Variants in CELF3 observed in about 807,000 individuals in gnomAD.
CELF3 encodes the protein CUGBP Elav-like family member 3, also known as CAG repeat domain.
In CELF3, 26 loss-of-function variants were observed where a neutral mutation model predicts 59.6. The ratio of observed to expected loss-of-function variants is 0.44; its 90% confidence interval spans 0.32 to 0.61. The LOEUF is 0.61. CELF3 is among the 20% of genes least tolerant of loss of function. The probability of loss-of-function intolerance (pLI) is 0.06; values close to 1 mark genes in which losing one functional copy is unlikely to be tolerated. For synonymous variants in CELF3, 245 were observed against 250.7 expected (o/e 0.98, Z 0.22); for missense variants, 387 against 627.2 (o/e 0.62, Z 4.09).
At chr1:151,710,401 G>C in intron 2 of CELF3, 1 of 293,162 alleles carries the variant, frequency 3.4e-6, no homozygotes, top group Non-Finnish European at 6.8e-6. Context: ...TGATTTATCC[G>C]TCCCCGTCGC....
rs189071128 is a variant in CELF3, at chr1:151,700,286, C to T, written c.*3173G>A. On this transcript the variant is annotated 3_prime_UTR_variant, in exon 13 of 13. Transcript: ENST00000290583. ...AGGAGAAAGACCTGTGGATGAGGGC[C>T]GTTAAGATTTTCATGAAGAAAGTAG... 3.0e-4 allele frequency among the ~76,000 whole-genome samples: 46 copies of T among 152,172 alleles called. No homozygotes were observed. The highest frequency in any genetic ancestry group is 3.7e-4 in the Non-Finnish European group (25 of 68,018).
Position 151,705,748 on chromosome 1 carries a change from TA to T in CELF3, c.1270+73del. On this transcript the variant is annotated intron_variant, in intron 11 of 12. Coordinates refer to ENST00000290583, the MANE Select transcript of CELF3 (RefSeq NM_007185.7). The surrounding 1 kb of genome is among the most constrained non-coding windows in gnomAD (Gnocchi z 5.1). ...TCAAATACTGGGTCCACTGTGACCA[TA>T]AATGCCTTCAAATATATTAGACCTT... 1 of 1,516,734 alleles carries T rather than the reference TA, an allele frequency of 6.6e-7. No individual in the cohort carries two copies. Among genetic ancestry groups the T allele is most frequent in the Non-Finnish European group, 9.0e-7 (1 of 1,107,432 alleles). The allele number at this position is 1,516,734 out of a possible 1,614,324, so 94.0% of individuals were successfully genotyped here. A position where few individuals can be genotyped will look rare whatever the true frequency, so the allele number is the denominator to read the frequency against.
In CELF3 at chr1:151,716,088, G is replaced by A; in HGVS notation, c.-68C>T. The A allele has an allele frequency of 6.7e-7, 1 of 1,497,432 alleles. No homozygotes were observed. Among genetic ancestry groups the A allele is most frequent in the Non-Finnish European group, 8.9e-7 (1 of 1,118,622 alleles). 92.8% of individuals were successfully genotyped at this position (1,497,432 alleles called of 1,614,324 possible). On this transcript the variant is annotated 5_prime_UTR_variant, in exon 1 of 13. Transcript: ENST00000290583. Reference sequence around the variant, plus strand: ...CCCAAAGGCCAAGGGGAGCTGCCCAGCAAGGAGATAAGTGGTGGGGCCCGG... The same window carrying A: ...CCCAAAGGCCAAGGGGAGCTGCCCAACAAGGAGATAAGTGGTGGGGCCCGG...
intron 12 of CELF3, among the ~76,000 whole-genome samples, chr1:151,704,017 C>T (rs935520846): frequency 3.3e-5 from 5 of 152,256 alleles, no homozygotes; most frequent in South Asian, 4.1e-4. Context: ...AAGCACGTCC[C>T]GCGAGCTGCC....
intron 5 of CELF3, chr1:151,708,531 G>C (rs139925012): frequency 1.6e-5 from 3 of 192,624 alleles, no homozygotes; most frequent in African/African-American, 2.3e-5. Flanking sequence ...CTTTGCTGGA[G>C]AGCTGTGAGT....
rs2102761490 is a variant in CELF3, at chr1:151,700,697, GA to G, written c.*2761del. ...GTAGGCAGTGATAATTGAAAAGAGG[GA>G]AATGATATGAGAAAGTTTGTGGAAG... On this transcript the variant is annotated 3_prime_UTR_variant, in exon 13 of 13. Coordinates refer to ENST00000290583, the MANE Select transcript of CELF3 (RefSeq NM_007185.7). Among the ~76,000 whole-genome samples the G allele has an allele frequency of 6.6e-6, 1 of 152,304 alleles. No homozygotes were observed. The highest frequency in any genetic ancestry group is 2.1e-4 in the South Asian group (1 of 4,832).
At chr1:151,713,100 A>T (rs1265307465) in intron 2 of CELF3, among the ~76,000 whole-genome samples, 1 of 152,212 alleles carries the variant, frequency 6.6e-6, no homozygotes, top group Admixed American at 6.5e-5. Flanking sequence ...TGGAACCCTC[A>T]TTTCCTACTG....
At chr1:151,704,617 C>T (rs1159840822) in intron 12 of CELF3, among the ~76,000 whole-genome samples, 1 of 152,094 alleles carries the variant, frequency 6.6e-6, no homozygotes, top group African/African-American at 2.4e-5. Context: ...ATTCTAGGGC[C>T]CTCTGGCACC....
At chr1:151,708,153 G>C (rs1672731845) in intron 5 of CELF3, 3 of 518,304 alleles carry the variant, frequency 5.8e-6, no homozygotes, top group Non-Finnish European at 1.0e-5. Flanking sequence ...GGAATGTGAA[G>C]GCACATGCTT....
rs1324391665 is a variant in CELF3, at chr1:151,703,292, CA to C, written c.*166del. The C allele has an allele frequency of 1.3e-5, 6 of 455,980 alleles. No homozygotes were observed. Among genetic ancestry groups the C allele is most frequent in the Non-Finnish European group, 1.8e-5 (4 of 226,726 alleles). The allele number at this position is 455,980 out of a possible 1,614,324, so 28.2% of individuals were successfully genotyped here. A position where few individuals can be genotyped will look rare whatever the true frequency, so the allele number is the denominator to read the frequency against. On this transcript the variant is annotated 3_prime_UTR_variant, in exon 13 of 13. Coordinates refer to ENST00000290583, the MANE Select transcript of CELF3 (RefSeq NM_007185.7). ...GCATAGCCATGGCCCTTCAGAGAGG[CA>C]GGGGGGTGGGAGGGGCCGGTGTCTT...
At chr1:151,708,365 T>C (rs1345460536) in intron 5 of CELF3, 1 of 186,520 alleles carries the variant, frequency 5.4e-6, no homozygotes, top group Non-Finnish European at 1.1e-5. Flanking sequence ...ATCTTAATAC[T>C]AGTCTGAGCT....
intron 12 of CELF3, among the ~76,000 whole-genome samples, chr1:151,703,909 C>T (rs955004052): frequency 7.2e-5 from 11 of 152,118 alleles, no homozygotes; most frequent in East Asian, 1.9e-4. Context: ...AGACCACCCC[C>T]GGCCCCCAGT....
In CELF3 at chr1:151,705,183, G is replaced by T; in HGVS notation, c.1271-15C>A. The T allele has an allele frequency of 6.2e-7, 1 of 1,608,164 alleles. No individual in the cohort carries two copies. The highest frequency in any genetic ancestry group is 8.5e-7 in the Non-Finnish European group (1 of 1,175,882). On this transcript the variant is annotated splice_polypyrimidine_tract_variant and intron_variant, in intron 11 of 12. Transcript: ENST00000290583. The surrounding 1 kb of genome is among the most constrained non-coding windows in gnomAD (Gnocchi z 5.1). The stretch of plus-strand genomic sequence containing the variant: ...ACTCACAAAGCCTGGGGTGAGAGGG[G>T]CATAAGGCCCGGCCCAGCCCCACCT...
chr1:151,706,566 G>A, intron 9 of CELF3, 103 bp downstream of exon 9: 2 of 1,322,782 alleles, frequency 1.5e-6, no homozygotes, highest in Non-Finnish European at 1.1e-6. Context: ...AGCCTGAAGA[G>A]GGTGATTGGC....
At position 151,701,872 on chromosome 1, in the gene CELF3, A is replaced by G. The variant is rs778307681; in HGVS notation, c.*1587T>C. On this transcript the variant is annotated 3_prime_UTR_variant, in exon 13 of 13. Transcript: ENST00000290583. ...CAGGAGTTCAAGGTTGCAGTGAGCT[A>G]TGATCTCACCATCACACTCCAGCTT... Among the ~76,000 whole-genome samples the G allele has an allele frequency of 9.9e-5, 15 of 152,222 alleles. No individual in the cohort carries two copies. Among genetic ancestry groups the G allele is most frequent in the Admixed American group, 3.9e-4 (6 of 15,280 alleles).
Position 151,714,606 on chromosome 1 carries a change from C to T in CELF3, c.216G>A (p.Lys72=). Residue 72 remains lysine, a synonymous_variant, in exon 2 of 13, where the codon AAG becomes AAA. Coordinates refer to ENST00000290583, the MANE Select transcript of CELF3 (RefSeq NM_007185.7). ...GGGCAGGACTCACCCCTGGAAGCGT[C>T]TTCTGTTCGTGCAGGGCGCTCTGGG... ...LKAQSALHEQ[K]TLPGMNRPIQ... 3.2e-6 allele frequency: 5 copies of T among 1,556,584 alleles called. No homozygotes were observed. Among genetic ancestry groups the T allele is most frequent in the Non-Finnish European group, 4.3e-6 (5 of 1,149,702 alleles).
At position 151,709,713 on chromosome 1, in the gene CELF3, A is replaced by G; in HGVS notation, c.277+30T>C. The G allele has an allele frequency of 6.2e-7, 1 of 1,610,638 alleles. No individual in the cohort carries two copies. Among genetic ancestry groups the G allele is most frequent in the Non-Finnish European group, 8.5e-7 (1 of 1,176,888 alleles). On this transcript the variant is annotated intron_variant, in intron 3 of 12. Transcript: ENST00000290583. This position sits in a 1 kb window ranked among gnomAD's most constrained non-coding sequence, Gnocchi z 4.9. ...GCCCTGGGCCTGGGGGTGGGAGGAG[A>G]GGGACAGAGTCCAAAGGCACAGAAC...
intron 12 of CELF3, 78 bp downstream of exon 12, chr1:151,704,953 T>G: frequency 1.4e-6 from 2 of 1,462,212 alleles, no homozygotes; most frequent in South Asian, 1.3e-5. Context: ...GGACAGGGGT[T>G]GGGGGTGTAG....
Position 151,705,694 on chromosome 1 carries a change from C to T in CELF3, c.1270+128G>A, listed in dbSNP as rs1672449629. On this transcript the variant is annotated intron_variant, in intron 11 of 12. Transcript: ENST00000290583. The surrounding 1 kb of genome is among the most constrained non-coding windows in gnomAD (Gnocchi z 5.1). ...TGGCATGTTGGGTGTGTCAAAATGG[C>T]TCTTTTGTACTCTTGGATAATCAGT... 1.9e-6 allele frequency: 2 copies of T among 1,041,008 alleles called. No individual in the cohort carries two copies. The highest frequency in any genetic ancestry group is 4.8e-5 in the Admixed American group (2 of 41,844). 64.5% of individuals were successfully genotyped at this position (1,041,008 alleles called of 1,614,324 possible).
Sources: gnomAD v4.1 joint callset for allele counts (sites outside exome capture counted in the v4.1 genomes callset) on GRCh38, gnomAD v4.1.1 for gene constraint, Gnocchi (gnomAD v3.1) non-coding constraint, MANE v1.5 for transcripts, NCBI Gene and HGNC (gene_info 2026-07-23, HGNC 2026-07-21) for gene names.